Variants in MAST2 observed in about 807,000 individuals in gnomAD.
MAST2 encodes microtubule associated serine/threonine kinase 2, also known as microtubule-associated serine/threonine-protein kinase 2.
MAST2 carries 70 observed loss-of-function variants against 147.4 expected under a neutral mutation model. The observed-to-expected ratio is 0.47, with a 90% confidence interval of 0.39 to 0.58. The LOEUF is 0.58. Among genes scored for constraint, MAST2 ranks in the 20% least tolerant of loss-of-function variants. The probability of loss-of-function intolerance (pLI) is 0.00; values close to 1 mark genes in which losing one functional copy is unlikely to be tolerated. For missense variants in MAST2, 2,080 were observed against 2,302.3 expected (o/e 0.90, Z 1.98); for synonymous variants, 869 against 896.8 (o/e 0.97, Z 0.55).
At chr1:45,910,670 ACT>A (rs1278988606) in intron 4 of MAST2, among the ~76,000 whole-genome samples, 1 of 152,130 alleles carries the variant, frequency 6.6e-6, no homozygotes, top group Non-Finnish European at 1.5e-5. Context: ...TGGATGTTTG[ACT>A]CTGTTAGGAG....
At chr1:45,888,106 A>G (rs1570557581) in intron 4 of MAST2, among the ~76,000 whole-genome samples, 1 of 152,196 alleles carries the variant, frequency 6.6e-6, no homozygotes, top group South Asian at 2.1e-4. Context: ...CCCCACATTT[A>G]TATCGCTAGA....
intron 15 of MAST2, chr1:46,024,197 T>C (rs1646306937): frequency 5.4e-6 from 3 of 552,060 alleles, no homozygotes; most frequent in Admixed American, 3.0e-5. Flanking sequence ...TGGGATAGGA[T>C]GTAGCAGGCC....
At chr1:45,862,429 T>C (rs1202388766) in intron 3 of MAST2, among the ~76,000 whole-genome samples, 1 of 152,038 alleles carries the variant, frequency 6.6e-6, no homozygotes, top group Non-Finnish European at 1.5e-5. Flanking sequence ...ATATGGCGTG[T>C]CTTGAATGCC....
rs538144355 is a variant in MAST2 at position 45,816,247 on chromosome 1, C to G, written c.178-8186C>G. Among the ~76,000 whole-genome samples, 11 of 73,980 alleles carry G rather than the reference C, an allele frequency of 1.5e-4. No individual in the cohort carries two copies. In the South Asian group the frequency reaches 4.8e-3, roughly 32 times the overall value. The allele number at this position is 73,980 out of a possible 152,430, so 48.5% of individuals were successfully genotyped here. A position where few individuals can be genotyped will look rare whatever the true frequency, so the allele number is the denominator to read the frequency against. ...AGAGAGAGAGAGAGAGAGAGAGACC[C>G]AAGTCCCTTCAAATACCTGGAAAGT... On this transcript the variant is annotated intron_variant, in intron 1 of 28. Transcript: ENST00000361297.
intron 4 of MAST2, among the ~76,000 whole-genome samples, chr1:45,941,241 G>A (rs903481837): frequency 4.6e-5 from 7 of 151,948 alleles, no homozygotes; most frequent in Admixed American, 3.3e-4. Flanking sequence ...GTTTTATTAG[G>A]TGTTTTTGTT....
At chr1:45,950,898 A>G (rs766219351) in intron 4 of MAST2, among the ~76,000 whole-genome samples, 2 of 152,112 alleles carry the variant, frequency 1.3e-5, no homozygotes, top group Admixed American at 6.6e-5. Context: ...CCTGGGCAAC[A>G]TGGTCAAACC....
At position 45,885,292 on chromosome 1, in the gene MAST2, C is replaced by T. The variant is rs147645356; in HGVS notation, c.500+2897C>T. Among the ~76,000 whole-genome samples the T allele has an allele frequency of 8.3e-3, 1,260 of 152,170 alleles. 20 individuals carry two copies. The highest frequency in any genetic ancestry group is 0.029 in the African/African-American group (1,192 of 41,518). On this transcript the variant is annotated intron_variant, in intron 4 of 28. Coordinates refer to ENST00000361297, the MANE Select transcript of MAST2 (RefSeq NM_015112.3). ...TGTGCTCATTCCAGGTTATAAAGGC[C>T]CGTTTCCTCTGATATATCCTTCATG...
intron 5 of MAST2, among the ~76,000 whole-genome samples, chr1:45,961,655 C>T (rs1354716973): frequency 6.6e-6 from 1 of 152,142 alleles, no homozygotes; most frequent in African/African-American, 2.4e-5. Flanking sequence ...CAAGAATGGA[C>T]ATAAAAGCCC....
In MAST2 at chr1:46,034,333, G is replaced by A. The variant is rs1571309040; in HGVS notation, c.3868+67G>A. On this transcript the variant is annotated intron_variant, in intron 28 of 28. Transcript: ENST00000361297. Reference sequence around the variant, plus strand: ...ATAGGAAAGTTCCTAGGCCCTGTGTGCTTCTGACAGATCCCACTCTGAGTC... The same window carrying A: ...ATAGGAAAGTTCCTAGGCCCTGTGTACTTCTGACAGATCCCACTCTGAGTC... The A allele has an allele frequency of 5.3e-6, 8 of 1,496,332 alleles. No individual in the cohort carries two copies. In the East Asian group the frequency reaches 1.9e-4, roughly 35 times the overall value. 92.7% of individuals were successfully genotyped at this position (1,496,332 alleles called of 1,614,324 possible). A position where few individuals can be genotyped will look rare whatever the true frequency, so the allele number is the denominator to read the frequency against.
chr1:45,883,911 T>TCCCCCC (rs1491218010), intron 4 of MAST2, among the ~76,000 whole-genome samples: 2 of 474 alleles, frequency 4.2e-3, no homozygotes, highest in Admixed American at 0.038. Context: ...CTACTATTTC[T>TCCCCCC]GCCCCCCCCG....
intron 6 of MAST2, among the ~76,000 whole-genome samples, chr1:45,999,968 T>A (rs759272840): frequency 3.9e-5 from 6 of 152,284 alleles, no homozygotes; most frequent in Non-Finnish European, 8.8e-5. Flanking sequence ...AAATATATGT[T>A]TATAAATTAT....
chr1:45,893,870 T>G (rs1648278574), intron 4 of MAST2, among the ~76,000 whole-genome samples: 2 of 152,170 alleles, frequency 1.3e-5, no homozygotes, highest in African/African-American at 4.8e-5. Context: ...TTCTAACATT[T>G]CTCTAAAAAG....
rs185377842 is a variant in MAST2, at chr1:46,007,766, G to A, written c.903-530G>A. On this transcript the variant is annotated intron_variant, in intron 8 of 28. Transcript: ENST00000361297. The stretch of plus-strand genomic sequence containing the variant: ...AATAAATTAAGGCAGAAAACATATC[G>A]GCTGCCTTCAGTAAATCACCCAGAT... Among the ~76,000 whole-genome samples, 4 of 152,180 alleles carry A rather than the reference G, an allele frequency of 2.6e-5. No individual in the cohort carries two copies. In the East Asian group the frequency reaches 7.7e-4, roughly 29 times the overall value.
intron 5 of MAST2, among the ~76,000 whole-genome samples, chr1:45,961,296 G>T (rs902848377): frequency 3.3e-5 from 5 of 152,128 alleles, no homozygotes; most frequent in Non-Finnish European, 7.3e-5. Flanking sequence ...TAGATTTTTA[G>T]AGAAACTCAG....
intron 3 of MAST2, among the ~76,000 whole-genome samples, chr1:45,851,859 C>T (rs745845152): frequency 1.4e-4 from 21 of 152,120 alleles, no homozygotes; most frequent in African/African-American, 4.3e-4. Context: ...AAGCTCCAAA[C>T]AGAAACGTTT....
At chr1:45,899,313 T>C (rs1280723499) in intron 4 of MAST2, among the ~76,000 whole-genome samples, 1 of 147,712 alleles carries the variant, frequency 6.8e-6, no homozygotes, top group Non-Finnish European at 1.5e-5. Flanking sequence ...TTTTCTTTTT[T>C]TTTTTTTTTT....
At chr1:46,022,994 C>G (rs1646252784) in intron 13 of MAST2, 23 bp downstream of exon 13, 1 of 1,606,266 alleles carries the variant, frequency 6.2e-7, no homozygotes, top group African/African-American at 1.3e-5. Flanking sequence ...AGCTCCTACC[C>G]CATTCCTGGA....
intron 3 of MAST2, among the ~76,000 whole-genome samples, chr1:45,853,510 C>A (rs190494226): frequency 6.6e-5 from 10 of 151,712 alleles, no homozygotes; most frequent in Non-Finnish European, 4.4e-5. Context: ...TGTACCATCA[C>A]GCCTGTGTAA....
chr1:45,915,481 C>T (rs181383094), intron 4 of MAST2, among the ~76,000 whole-genome samples: 134 of 152,170 alleles, frequency 8.8e-4, no homozygotes, highest in East Asian at 5.8e-4. Flanking sequence ...GAGGCCGAGG[C>T]GGGCGGATCA....
Sources: gnomAD v4.1 joint callset for allele counts (sites outside exome capture counted in the v4.1 genomes callset) on GRCh38, gnomAD v4.1.1 for gene constraint, MANE v1.5 for transcripts, NCBI Gene and HGNC (gene_info 2026-07-23, HGNC 2026-07-21) for gene names.